The following PKNOX1 variants were observed in gnomAD, a reference collection of about 807,000 sequenced individuals.
The protein encoded by PKNOX1 is homeobox protein PKNOX1.
PKNOX1 carries 15 observed loss-of-function variants against 51.9 expected under a neutral mutation model. That is an observed-to-expected ratio of 0.29 (90% CI 0.19 to 0.45). The LOEUF (loss-of-function observed/expected upper bound fraction) is 0.45, where lower values mean the gene tolerates loss of function less well. Among genes scored for constraint, PKNOX1 ranks in the 20% least tolerant of loss-of-function variants. PKNOX1 has a pLI of 1.00. For missense variants in PKNOX1, 462 were observed against 547.5 expected (o/e 0.84, Z 1.56); for synonymous variants, 219 against 211.1 (o/e 1.04, Z -0.32).
chr21:43,012,286 G>A (rs562568987), intron 4 of PKNOX1, among the ~76,000 whole-genome samples: 24 of 152,316 alleles, frequency 1.6e-4, no homozygotes, highest in Admixed American at 2.0e-4. Flanking sequence ...TTGGCCAGGC[G>A]TGGTGGCTCA....
intron 1 of PKNOX1, among the ~76,000 whole-genome samples, chr21:42,988,408 A>C (rs1205569264): frequency 6.6e-6 from 1 of 152,190 alleles, no homozygotes; most frequent in Non-Finnish European, 1.5e-5. Context: ...GGAATCAAAT[A>C]GCAGAACTGT....
chr21:42,978,577 G>A (rs1374771808), intron 1 of PKNOX1, among the ~76,000 whole-genome samples: 1 of 148,106 alleles, frequency 6.8e-6, no homozygotes. Context: ...TCTGCCTCCC[G>A]GGTTCAAGTG....
intron 1 of PKNOX1, chr21:43,004,003 C>T (rs1978876989): frequency 1.2e-5 from 2 of 169,268 alleles, no homozygotes; most frequent in Admixed American, 5.9e-5. Context: ...TTTGGGAGGC[C>T]GAGGCGGGTG....
rs756168125 is a variant in PKNOX1, at chr21:43,030,399, T to A, written c.*298T>A. On this transcript the variant is annotated 3_prime_UTR_variant, in exon 11 of 11. Coordinates refer to ENST00000291547, the MANE Select transcript of PKNOX1 (RefSeq NM_004571.5). ...TCCCCACCTTGAATCCCTAATTAGA[T>A]TAAGGAATAGCGCTGCCATTTTCTA... The A allele has an allele frequency of 8.5e-6, 2 of 235,328 alleles. No homozygotes were observed. Among genetic ancestry groups the A allele is most frequent in the Non-Finnish European group, 1.6e-5 (2 of 122,544 alleles). The allele number at this position is 235,328 out of a possible 1,614,324, so 14.6% of individuals were successfully genotyped here. A position where few individuals can be genotyped will look rare whatever the true frequency, so the allele number is the denominator to read the frequency against.
intron 8 of PKNOX1, among the ~76,000 whole-genome samples, chr21:43,022,999 A>T (rs113444788): frequency 7.2e-4 from 109 of 152,220 alleles, no homozygotes; most frequent in African/African-American, 2.5e-3. Context: ...ATGTTTTAAT[A>T]ATTTCTCAAA....
chr21:43,018,076 A>G (rs1180331073), intron 6 of PKNOX1, 57 bp from the exon 7 acceptor site: 2 of 826,624 alleles, frequency 2.4e-6, no homozygotes, highest in Middle Eastern at 2.4e-4. Flanking sequence ...AAAAAGAAGA[A>G]TGGTTTAAAT....
chr21:43,011,292 A>G (rs1445356362), intron 4 of PKNOX1, among the ~76,000 whole-genome samples: 1 of 151,450 alleles, frequency 6.6e-6, no homozygotes, highest in Non-Finnish European at 1.5e-5. Context: ...GATAGTCTCG[A>G]TCTCCTGATC....
intron 1 of PKNOX1, among the ~76,000 whole-genome samples, chr21:42,993,364 G>A (rs904876304): frequency 2.0e-5 from 3 of 152,122 alleles, no homozygotes; most frequent in Admixed American, 6.6e-5. Flanking sequence ...GCTTCCAGGC[G>A]CCTTGAGTGG....
At chr21:42,997,827 CA>C (rs1568893523) in intron 1 of PKNOX1, among the ~76,000 whole-genome samples, 2 of 152,042 alleles carry the variant, frequency 1.3e-5, no homozygotes, top group Non-Finnish European at 1.5e-5. Context: ...GGGGAGGACT[CA>C]GGGGTGGGAG....
chr21:42,997,509 TATA>T lies in PKNOX1; in HGVS notation c.-56-6814_-56-6812del, dbSNP rs1159336401. ...CAAGCAAATTATGTGTCCAAAAATG[TATA>T]ATGTCAGTGATTAGCTTCAGGAAGC... On this transcript the variant is annotated intron_variant, in intron 1 of 10. Transcript: ENST00000291547. Among the ~76,000 whole-genome samples, 11 of 152,346 alleles carry T rather than the reference TATA, an allele frequency of 7.2e-5. No individual in the cohort carries two copies. The East Asian group carries it at 2.1e-3, about 29-fold the overall frequency.
chr21:42,988,004 T>C (rs986478554), intron 1 of PKNOX1, among the ~76,000 whole-genome samples: 9 of 152,018 alleles, frequency 5.9e-5, no homozygotes, highest in Non-Finnish European at 1.2e-4. Flanking sequence ...CTTCTGGCCC[T>C]TTACAGAAAA....
chr21:42,990,106 AAAATAAT>A (rs1305738972), intron 1 of PKNOX1, among the ~76,000 whole-genome samples: 46 of 151,562 alleles, frequency 3.0e-4, no homozygotes, highest in Non-Finnish European at 5.3e-4. Flanking sequence ...CAAAAAAAAA[AAAATAAT>A]AATAATAAGC....
At chr21:43,029,367 C>T (rs141764879) in intron 10 of PKNOX1, among the ~76,000 whole-genome samples, 150 of 149,490 alleles carry the variant, frequency 1.0e-3, no homozygotes, top group African/African-American at 3.0e-3. Context: ...ATGAGGTCTT[C>T]ATATTTTGGA....
chr21:43,028,467 G>A lies in PKNOX1; in HGVS notation c.927-235G>A, dbSNP rs550206232. ...GTTGAGACAAAAAAAAAAATGCCAT[G>A]GACGAGTTGGTGCTTATTTGCATGA... On this transcript the variant is annotated intron_variant, in intron 9 of 10. Coordinates refer to ENST00000291547, the MANE Select transcript of PKNOX1 (RefSeq NM_004571.5). 3.2e-5 allele frequency: 16 copies of A among 504,946 alleles called. No individual in the cohort carries two copies. In the South Asian group the frequency reaches 4.0e-4, roughly 13 times the overall value. The allele number at this position is 504,946 out of a possible 1,614,324, so 31.3% of individuals were successfully genotyped here. A position where few individuals can be genotyped will look rare whatever the true frequency, so the allele number is the denominator to read the frequency against.
chr21:42,983,914 G>A (rs1320530610), intron 1 of PKNOX1, among the ~76,000 whole-genome samples: 3 of 152,046 alleles, frequency 2.0e-5, no homozygotes, highest in Admixed American at 6.6e-5. Context: ...TGGATTTGAG[G>A]TGGCATCTTA....
At chr21:43,011,708 AG>A (rs1311926232) in intron 4 of PKNOX1, among the ~76,000 whole-genome samples, 2 of 152,194 alleles carry the variant, frequency 1.3e-5, no homozygotes, top group Admixed American at 6.5e-5. Flanking sequence ...TCAACAGAAA[AG>A]GTTTTTGGAA....
intron 1 of PKNOX1, among the ~76,000 whole-genome samples, chr21:42,983,993 A>G (rs149997419): frequency 6.6e-6 from 1 of 151,968 alleles, no homozygotes; most frequent in East Asian, 1.9e-4. Flanking sequence ...TTCATCGGCC[A>G]TTTACATGTC....
chr21:42,995,079 A>C (rs529625543), intron 1 of PKNOX1, among the ~76,000 whole-genome samples: 1 of 151,672 alleles, frequency 6.6e-6, no homozygotes, highest in East Asian at 1.9e-4. Context: ...CTGCCACCAT[A>C]TCCAGCTGAT....
At chr21:43,006,452 C>A (rs1332171105) in intron 2 of PKNOX1, among the ~76,000 whole-genome samples, 2 of 152,080 alleles carry the variant, frequency 1.3e-5, no homozygotes, top group African/African-American at 4.8e-5. Context: ...TACATGCTGG[C>A]AGATTGCCTT....
Sources: gnomAD v4.1 joint callset for allele counts (sites outside exome capture counted in the v4.1 genomes callset) on GRCh38, gnomAD v4.1.1 for gene constraint, MANE v1.5 for transcripts, NCBI Gene and HGNC (gene_info 2026-07-23, HGNC 2026-07-21) for gene names.